NTM: variants seen among roughly 807,000 people sequenced by gnomAD.
The protein encoded by NTM is neurotrimin.
NTM carries 13 observed loss-of-function variants against 42.1 expected under a neutral mutation model. The observed-to-expected ratio is 0.31, with a 90% CI of 0.20 to 0.49. The LOEUF (loss-of-function observed/expected upper bound fraction) is 0.49. Ranked by LOEUF, NTM falls within the 20% of genes least tolerant of loss-of-function variation. The probability of loss-of-function intolerance (pLI) is 0.99; values close to 1 mark genes in which losing one functional copy is unlikely to be tolerated. For synonymous variants in NTM, 187 were observed against 179.2 expected (o/e 1.04, Z -0.35); for missense variants, 373 against 452.8 (o/e 0.82, Z 1.60).
chr11:132,219,692 T>C (rs2084717614), intron 4 of NTM, among the ~76,000 whole-genome samples: 1 of 151,916 alleles, frequency 6.6e-6, no homozygotes, highest in African/African-American at 2.4e-5. Flanking sequence ...GAAATAGAGA[T>C]AATAATACCT....
intron 1 of NTM, among the ~76,000 whole-genome samples, chr11:131,538,921 C>CTTTTTTTTTTTTTTTTT (rs58463755): frequency 9.7e-4 from 99 of 102,354 alleles, no homozygotes; most frequent in Middle Eastern, 7.6e-3. Context: ...GTTAACTTAG[C>CTTTTTTTTTTTTTTTTT]TTTTTTTTTT....
rs561658177 is a variant in NTM, at chr11:131,800,314, C to T, written c.83-111250C>T. ...CTGAAAACAAACCAAGCAGGCTAAA[C>T]GGTTTTACTTCCATTTTGCCCATCA... On this transcript the variant is annotated intron_variant, in intron 1 of 8. Coordinates refer to ENST00000683400, the MANE Select transcript of NTM (RefSeq NM_001352005.2). Among the ~76,000 whole-genome samples the T allele has an allele frequency of 1.2e-4, 19 of 152,284 alleles. 1 individual carries two copies. Among genetic ancestry groups the T allele is most frequent in the Admixed American group, 3.3e-4 (5 of 15,308 alleles).
At chr11:131,846,622 T>C (rs2044937071) in intron 1 of NTM, among the ~76,000 whole-genome samples, 1 of 152,188 alleles carries the variant, frequency 6.6e-6, no homozygotes, top group African/African-American at 2.4e-5. Context: ...ATGAATGAAA[T>C]TTGAATTTTA....
intron 1 of NTM, among the ~76,000 whole-genome samples, chr11:131,636,655 G>A (rs1238736736): frequency 6.6e-6 from 1 of 152,190 alleles, no homozygotes; most frequent in Non-Finnish European, 1.5e-5. Flanking sequence ...CGCTGCTCCA[G>A]AGCCCACGGA....
intron 1 of NTM, among the ~76,000 whole-genome samples, chr11:131,580,450 A>G (rs551538463): frequency 6.6e-6 from 1 of 152,278 alleles, no homozygotes; most frequent in African/African-American, 2.4e-5. Flanking sequence ...GCTATAGATC[A>G]TGCTAGAGAC....
chr11:131,748,252 T>C (rs2082061912), intron 1 of NTM, among the ~76,000 whole-genome samples: 1 of 152,202 alleles, frequency 6.6e-6, no homozygotes, highest in African/African-American at 2.4e-5. Flanking sequence ...TCATGTATCA[T>C]GTAGTACATG....
intron 2 of NTM, among the ~76,000 whole-genome samples, chr11:131,942,803 G>T (rs888598221): frequency 5.3e-5 from 8 of 152,040 alleles, no homozygotes; most frequent in Middle Eastern, 6.8e-3. Context: ...AAAATTAGCT[G>T]GGCATGGTGA....
intron 4 of NTM, among the ~76,000 whole-genome samples, chr11:132,273,164 T>C (rs2093562669): frequency 6.6e-6 from 1 of 152,070 alleles, no homozygotes; most frequent in Non-Finnish European, 1.5e-5. Context: ...GAGATTATTG[T>C]GTGGTTTTGT....
At chr11:131,412,049 C>A (rs1234613282) in intron 1 of NTM, among the ~76,000 whole-genome samples, 2 of 152,144 alleles carry the variant, frequency 1.3e-5, no homozygotes, top group African/African-American at 4.8e-5. Flanking sequence ...CGGGTGCCAG[C>A]CTGGCAAAGT....
At chr11:131,416,759 A>C (rs948074030) in intron 1 of NTM, among the ~76,000 whole-genome samples, 1 of 152,242 alleles carries the variant, frequency 6.6e-6, no homozygotes, top group African/African-American at 2.4e-5. Context: ...AACAGATTTA[A>C]AGTCTTGTTT....
chr11:131,937,257 AAAG>A, intron 2 of NTM, among the ~76,000 whole-genome samples: 1 of 152,328 alleles, frequency 6.6e-6, no homozygotes, highest in East Asian at 1.9e-4. Flanking sequence ...ATGCAATGAA[AAAG>A]AACTGTTATT....
In NTM at chr11:131,577,769, C is replaced by A. The variant is rs376903691; in HGVS notation, c.82+206881C>A. On this transcript the variant is annotated intron_variant, in intron 1 of 8. Transcript: ENST00000683400. ...ATTTTCTTCAGACTCTTACAGTGTG[C>A]AGTATGGATTAATAGTGATTTCCTA... Among the ~76,000 whole-genome samples the A allele has an allele frequency of 4.6e-5, 7 of 152,238 alleles. No individual in the cohort carries two copies. In the East Asian group the frequency reaches 1.2e-3, roughly 25 times the overall value.
chr11:132,252,660 A>G (rs913888577), intron 4 of NTM, among the ~76,000 whole-genome samples: 4 of 152,280 alleles, frequency 2.6e-5, no homozygotes, highest in East Asian at 3.9e-4. Context: ...GTAATTATAG[A>G]TGGGAAACAC....
At chr11:131,541,269 C>T (rs969767188) in intron 1 of NTM, among the ~76,000 whole-genome samples, 1 of 152,160 alleles carries the variant, frequency 6.6e-6, no homozygotes, top group African/African-American at 2.4e-5. Context: ...TGCCTCATCC[C>T]GAACCCAGCA....
chr11:132,174,656 A>G (rs1024411894), intron 3 of NTM, among the ~76,000 whole-genome samples: 1 of 151,442 alleles, frequency 6.6e-6, no homozygotes. Context: ...TTTTTGTAGC[A>G]TTTTCTTCCT....
intron 4 of NTM, among the ~76,000 whole-genome samples, chr11:132,216,299 G>A (rs2083852973): frequency 6.6e-6 from 1 of 152,152 alleles, no homozygotes; most frequent in Admixed American, 6.5e-5. Flanking sequence ...GATTGTAAGA[G>A]CTTTAAAGAC....
intron 1 of NTM, among the ~76,000 whole-genome samples, chr11:131,819,907 C>T (rs765301286): frequency 2.0e-5 from 3 of 152,170 alleles, no homozygotes; most frequent in Admixed American, 6.5e-5. Flanking sequence ...GCCGCTACTC[C>T]GTCTCTGAAT....
At chr11:131,687,357 G>A (rs1258647305) in intron 1 of NTM, among the ~76,000 whole-genome samples, 2 of 152,064 alleles carry the variant, frequency 1.3e-5, no homozygotes, top group African/African-American at 2.4e-5. Context: ...TTCCAATTGC[G>A]GCTTCGGGCA....
chr11:131,910,851 T>G lies in NTM; in HGVS notation c.83-713T>G, dbSNP rs1420542838. The G allele has an allele frequency of 3.0e-6, 3 of 984,864 alleles. 1 individual carries two copies. In the East Asian group the frequency reaches 3.4e-4, roughly 113 times the overall value. 61.0% of individuals were successfully genotyped at this position (984,864 alleles called of 1,614,324 possible). On this transcript the variant is annotated intron_variant, in intron 1 of 8. Transcript: ENST00000683400. Reference sequence around the variant, plus strand: ...AGCGCGCATTTGGGCTCCGAGGAAGTTGACCGAGGCGGCTGCCGCAGGATC... The same window carrying G: ...AGCGCGCATTTGGGCTCCGAGGAAGGTGACCGAGGCGGCTGCCGCAGGATC...
Sources: gnomAD v4.1 joint callset for allele counts (sites outside exome capture counted in the v4.1 genomes callset) on GRCh38, gnomAD v4.1.1 for gene constraint, MANE v1.5 for transcripts, NCBI Gene and HGNC (gene_info 2026-07-23, HGNC 2026-07-21) for gene names.